The following AGTPBP1 variants were observed in gnomAD, a reference collection of about 807,000 sequenced individuals.
AGTPBP1 encodes the protein cytosolic carboxypeptidase 1.
A neutral mutation model predicts 143.9 loss-of-function variants in AGTPBP1; 70 were observed. The observed-to-expected ratio is 0.49, with a 90% CI of 0.40 to 0.59. The LOEUF (loss-of-function observed/expected upper bound fraction) is 0.59, where lower values mean the gene tolerates loss of function less well. AGTPBP1 is among the 20% of genes least tolerant of loss of function. The probability of loss-of-function intolerance (pLI) is 0.00; values close to 1 mark genes in which losing one functional copy is unlikely to be tolerated. For missense variants in AGTPBP1, 1,229 were observed against 1,464.5 expected, an observed-to-expected ratio of 0.84 and a Z score of 2.62; for synonymous variants, 463 against 500.2, an observed-to-expected ratio of 0.93 and a Z score of 0.99.
In AGTPBP1 at chr9:85,589,519, C is replaced by G; in HGVS notation, c.2722+9G>C. Reference sequence around the variant, plus strand: ...TGACTGCTATTGTGAGTTGGGAAGACAAACTTACTGAAATGGCAGATATGT... The same window carrying G: ...TGACTGCTATTGTGAGTTGGGAAGAGAAACTTACTGAAATGGCAGATATGT... On this transcript the variant is annotated intron_variant, in intron 20 of 25. Transcript: ENST00000357081. 6.3e-7 allele frequency: 1 copy of G among 1,596,470 alleles called. No individual in the cohort carries two copies. The highest frequency in any genetic ancestry group is 8.5e-7 in the Non-Finnish European group (1 of 1,173,320).
Position 85,592,643 on chromosome 9 carries a change from T to C in AGTPBP1, c.2485A>G (p.Ile829Val), listed in dbSNP as rs758810359. The change falls in exon 19 of 26, where the codon ATT becomes GTT. Residue 829 changes from isoleucine to valine, a missense_variant. Ile to Val is a conservative substitution (Grantham distance 29). This residue lies in a region of AGTPBP1 where 486 missense variants were observed against 652.3 expected (regional missense o/e 0.75). Transcript: ENST00000357081. ...GGQKGKSYYTITFTVNFPHKD... is the reference protein window; with the variant it reads ...GGQKGKSYYTVTFTVNFPHKD... ...TGTGGAAAATTGACAGTAAATGTAA[T>C]TGTATAGTAGGATTTTCCCTTTTGC... 1.2e-6 allele frequency: 2 copies of C among 1,612,216 alleles called. No individual in the cohort carries two copies. The highest frequency in any genetic ancestry group is 1.1e-5 in the South Asian group (1 of 90,560).
intron 3 of AGTPBP1, among the ~76,000 whole-genome samples, chr9:85,682,172 T>TAAAAAAAAAA (rs745339958): frequency 1.2e-5 from 1 of 85,830 alleles, no homozygotes; most frequent in Non-Finnish European, 2.3e-5. Flanking sequence ...TAGGATTGGT[T>TAAAAAAAAAA]AAAAAAAAAA....
the AGTPBP1 span, among the ~76,000 whole-genome samples, chr9:85,751,022 C>T: frequency 3.9e-5 from 6 of 152,112 alleles, no homozygotes. Context: ...CCTCTCTGCT[C>T]TTTCAGCAAG....
chr9:85,705,092 A>C (rs1250071030), intron 2 of AGTPBP1, among the ~76,000 whole-genome samples: 1 of 152,130 alleles, frequency 6.6e-6, no homozygotes, highest in Non-Finnish European at 1.5e-5. Flanking sequence ...ATTTCATTGA[A>C]GTTCCTGAAG....
At chr9:85,699,406 G>T (rs117670734) in intron 2 of AGTPBP1, among the ~76,000 whole-genome samples, 2,550 of 152,116 alleles carry the variant, frequency 0.017, 26 homozygotes, top group Middle Eastern at 0.054. Flanking sequence ...ATATAAATTT[G>T]CTTGAATATG....
At chr9:85,757,179 G>A in the AGTPBP1 span, among the ~76,000 whole-genome samples, 680 of 152,206 alleles carry the variant, frequency 4.5e-3, 10 homozygotes, top group African/African-American at 0.015. Context: ...TGATTCTCCC[G>A]TCTCAGCCTC....
intron 25 of AGTPBP1, among the ~76,000 whole-genome samples, chr9:85,571,352 C>T (rs906445382): frequency 6.6e-6 from 1 of 151,868 alleles, no homozygotes; most frequent in Non-Finnish European, 1.5e-5. Flanking sequence ...CAAGGAAATC[C>T]GCAAAGAATG....
rs183804118 is a variant in AGTPBP1 at position 85,612,561 on chromosome 9, C to T, written c.2335+6422G>A. ...TCGTAATTCAGTGTTTCCCTGAGTC[C>T]TGTGAGCTGCCATAGCAAATTATCA... On this transcript the variant is annotated intron_variant, in intron 17 of 25. Coordinates refer to ENST00000357081, the MANE Select transcript of AGTPBP1 (RefSeq NM_001330701.2). 2.0e-5 allele frequency among the ~76,000 whole-genome samples: 3 copies of T among 152,250 alleles called. No individual in the cohort carries two copies. In the East Asian group the frequency reaches 5.8e-4, roughly 29 times the overall value.
chr9:85,719,388 T>C (rs1324507483), intron 1 of AGTPBP1, among the ~76,000 whole-genome samples: 1 of 152,148 alleles, frequency 6.6e-6, no homozygotes, highest in Non-Finnish European at 1.5e-5. Context: ...TCACAACCCT[T>C]GTATGTTGGA....
the AGTPBP1 span, among the ~76,000 whole-genome samples, chr9:85,758,980 G>C: frequency 6.6e-6 from 1 of 152,096 alleles, no homozygotes; most frequent in African/African-American, 2.4e-5. Context: ...CCTAGTCTCT[G>C]ATAAAACAGA....
intron 11 of AGTPBP1, among the ~76,000 whole-genome samples, chr9:85,649,783 T>A (rs1833036112): frequency 6.6e-6 from 1 of 152,182 alleles, no homozygotes; most frequent in East Asian, 1.9e-4. Flanking sequence ...TTTACTGAGA[T>A]GATCATTTGG....
intron 4 of AGTPBP1, among the ~76,000 whole-genome samples, chr9:85,680,875 T>C (rs1835125066): frequency 1.3e-5 from 2 of 152,192 alleles, no homozygotes; most frequent in African/African-American, 4.8e-5. Context: ...CACAAATGTA[T>C]ATCAGCTAAA....
At chr9:85,678,609 C>T (rs1162145793) in intron 4 of AGTPBP1, among the ~76,000 whole-genome samples, 3 of 152,100 alleles carry the variant, frequency 2.0e-5, no homozygotes, top group Non-Finnish European at 4.4e-5. Context: ...TGTGAAATAT[C>T]AACATTACAA....
chr9:85,572,039 T>G (rs1387318069), intron 25 of AGTPBP1, among the ~76,000 whole-genome samples: 1 of 81,086 alleles, frequency 1.2e-5, no homozygotes, highest in African/African-American at 5.1e-5. Flanking sequence ...TTTTTTTTTT[T>G]TTTTTGAGGC....
At chr9:85,785,032 C>T in the AGTPBP1 span, among the ~76,000 whole-genome samples, 1 of 152,132 alleles carries the variant, frequency 6.6e-6, no homozygotes. Context: ...TGTTTTAAAA[C>T]TTTGTCTTGG....
At chr9:85,752,027 G>A in the AGTPBP1 span, among the ~76,000 whole-genome samples, 6 of 146,942 alleles carry the variant, frequency 4.1e-5, no homozygotes, top group Non-Finnish European at 7.5e-5. Context: ...TCAGGTGTTC[G>A]AGACCAGCCT....
chr9:85,703,477 T>C (rs1213544501), intron 2 of AGTPBP1, among the ~76,000 whole-genome samples: 1 of 152,232 alleles, frequency 6.6e-6, no homozygotes, highest in Admixed American at 6.5e-5. Flanking sequence ...GATTTACTTT[T>C]AGTGATAGAT....
Position 85,632,903 on chromosome 9 carries a change from G to T in AGTPBP1, c.1774C>A (p.Leu592Ile). Reference protein sequence around the residue: ...FEGRTVQLGKLCCTGVETEDD... With the variant: ...FEGRTVQLGKICCTGVETEDD... Reference sequence around the variant, plus strand: ...TCAGTTTCAACTCCAGTGCAGCAAAGCTTCCCTAGCTGAACTGTTCTTCCC... The same window carrying T: ...TCAGTTTCAACTCCAGTGCAGCAAATCTTCCCTAGCTGAACTGTTCTTCCC... The change falls in exon 14 of 26, where the codon CTT (leucine) becomes ATT (isoleucine). Residue 592 changes from leucine to isoleucine, a missense_variant. By Grantham distance (5) the Leu-to-Ile change is conservative. Coordinates refer to ENST00000357081, the MANE Select transcript of AGTPBP1 (RefSeq NM_001330701.2). 1 of 1,614,134 alleles carries T rather than the reference G, an allele frequency of 6.2e-7. No individual in the cohort carries two copies. The highest frequency in any genetic ancestry group is 8.5e-7 in the Non-Finnish European group (1 of 1,180,014).
At chr9:85,644,229 TATTAC>T (rs1220550142) in intron 12 of AGTPBP1, among the ~76,000 whole-genome samples, 1 of 151,962 alleles carries the variant, frequency 6.6e-6, no homozygotes, top group East Asian at 1.9e-4. Flanking sequence ...GTATACTTAT[TATTAC>T]ATTAATATGT....
Sources: allele counts gnomAD v4.1 joint callset (sites outside exome capture counted in the v4.1 genomes callset), GRCh38; gene constraint gnomAD v4.1.1; regional missense constraint gnomAD v4.1.1; transcripts MANE v1.5; gene names NCBI Gene and HGNC (gene_info 2026-07-23, HGNC 2026-07-21).